Variants in SMAD3 observed in about 807,000 individuals in gnomAD.
SMAD3 encodes SMAD family member 3.
A neutral mutation model predicts 51.8 loss-of-function variants in SMAD3; 12 were observed. That is an observed-to-expected ratio of 0.23 (90% confidence interval 0.15 to 0.38). The LOEUF (loss-of-function observed/expected upper bound fraction) is 0.38. Ranked by LOEUF, SMAD3 falls within the 10% of genes least tolerant of loss-of-function variation. The pLI is 1.00. For synonymous variants in SMAD3, 238 were observed against 227.7 expected, an observed-to-expected ratio of 1.05 and a Z score of -0.41; for missense variants, 294 against 565.6, an observed-to-expected ratio of 0.52 and a Z score of 4.87.
chr15:67,105,542 A>G (rs141862099), intron 1 of SMAD3, among the ~76,000 whole-genome samples: 1 of 152,316 alleles, frequency 6.6e-6, no homozygotes, highest in Non-Finnish European at 1.5e-5. Context: ...TTGTGGCTCT[A>G]GCTGTGGGCA....
In SMAD3 at chr15:67,163,944, TAAAAA is replaced by T. The variant is rs57803788; in HGVS notation, c.207-930_207-926del. On this transcript the variant is annotated intron_variant, in intron 1 of 8. Transcript: ENST00000327367. ...ACAGAGCAACACCCTGTATCAAAAGTAAAAAAAAAAAAAAAAAAAAAAAAATCCCT... is the reference window on the plus strand; with the variant it reads ...ACAGAGCAACACCCTGTATCAAAAGTAAAAAAAAAAAAAAAAAAAATCCCT... Among the ~76,000 whole-genome samples, 9 of 87,892 alleles carry T rather than the reference TAAAAA, an allele frequency of 1.0e-4. No individual in the cohort carries two copies. The South Asian group carries it at 3.0e-3, about 30-fold the overall frequency. The allele number at this position is 87,892 out of a possible 152,430, so 57.7% of individuals were successfully genotyped here.
chr15:67,178,213 G>A (rs570420371), intron 5 of SMAD3, among the ~76,000 whole-genome samples: 1 of 152,290 alleles, frequency 6.6e-6, no homozygotes, highest in South Asian at 2.1e-4. Flanking sequence ...GAGGGTCCTT[G>A]AAGCCCACCC....
chr15:67,123,085 C>G (rs1176497649), intron 1 of SMAD3, among the ~76,000 whole-genome samples: 2 of 150,916 alleles, frequency 1.3e-5, no homozygotes, highest in African/African-American at 4.9e-5. Flanking sequence ...GTGGTCTCAG[C>G]TACTCGGGAG....
At chr15:67,082,090 G>A (rs1287409115) in intron 1 of SMAD3, among the ~76,000 whole-genome samples, 1 of 151,202 alleles carries the variant, frequency 6.6e-6, no homozygotes, top group African/African-American at 2.4e-5. Flanking sequence ...GCTGACTTCT[G>A]AGGACATGAT....
intron 1 of SMAD3, among the ~76,000 whole-genome samples, chr15:67,102,790 C>G (rs1401924208): frequency 1.3e-5 from 2 of 152,114 alleles, no homozygotes; most frequent in Non-Finnish European, 2.9e-5. Context: ...ATTTAAAGTT[C>G]TTTGGAAGTG....
Position 67,066,203 on chromosome 15 carries a change from G to C in SMAD3, c.49G>C (p.Gly17Arg), listed in dbSNP as rs183418982. ...TCCCCCGATCGTGAAGCGCCTGCTG[G>C]GCTGGAAGAAGGGCGAGCAGAACGG... ...FTPPIVKRLL[G>R]WKKGEQNGQE... Residue 17 changes from glycine to arginine, a missense_variant, in exon 1 of 9, where the codon GGC becomes CGC. Transcript: ENST00000327367. The C allele has an allele frequency of 6.2e-7, 1 of 1,612,696 alleles. No individual in the cohort carries two copies. Among genetic ancestry groups the C allele is most frequent in the East Asian group, 2.2e-5 (1 of 44,822 alleles).
intron 1 of SMAD3, among the ~76,000 whole-genome samples, chr15:67,073,493 G>A (rs1476568622): frequency 1.3e-5 from 2 of 152,164 alleles, no homozygotes; most frequent in African/African-American, 4.8e-5. Flanking sequence ...GATTATTTTG[G>A]AGGTAGGAGT....
At position 67,191,530 on chromosome 15, in the gene SMAD3, G is replaced by A. The variant is rs190014997; in HGVS notation, c.*994G>A. On this transcript the variant is annotated 3_prime_UTR_variant, in exon 9 of 9. Transcript: ENST00000327367. ...TTATCATATGCTCTTTTAAATGTTT[G>A]GTTTATATATTTTCTTTAAAAATCC... The A allele has an allele frequency of 8.6e-6, 2 of 233,194 alleles. No individual in the cohort carries two copies. Among genetic ancestry groups the A allele is most frequent in the Admixed American group, 5.6e-5 (1 of 17,778 alleles). The allele number at this position is 233,194 out of a possible 1,614,324, so 14.4% of individuals were successfully genotyped here.
Position 67,188,341 on chromosome 15 carries a change from T to C in SMAD3, c.1154+832T>C, listed in dbSNP as rs146230557. Among the ~76,000 whole-genome samples the C allele has an allele frequency of 3.1e-3, 475 of 152,112 alleles. 4 individuals are homozygous for C. The highest frequency in any genetic ancestry group is 0.011 in the African/African-American group (454 of 41,512). ...TTAGTAGAGAGGGGGTTTCACCATGTTGCCCAGGGTGGTCTCGAACTCCTG... is the reference window on the plus strand; with the variant it reads ...TTAGTAGAGAGGGGGTTTCACCATGCTGCCCAGGGTGGTCTCGAACTCCTG... On this transcript the variant is annotated intron_variant, in intron 8 of 8. Transcript: ENST00000327367.
intron 1 of SMAD3, among the ~76,000 whole-genome samples, chr15:67,078,537 AATCAGTATTCTTCATTCCTTTT>A (rs1294699879): frequency 6.6e-6 from 1 of 152,258 alleles, no homozygotes; most frequent in Admixed American, 6.5e-5. Flanking sequence ...AGCATGTTTA[AATCAGTATTCTTCATTCCTTTT>A]ATCATTGAGA....
Position 67,185,959 on chromosome 15 carries a change from G to A in SMAD3, c.1009+1095G>A, listed in dbSNP as rs182847176. ...GGAGAAGTGGTAGACCACAGGCAGG[G>A]GAAACTTTAGAATGCAGAAAGTCTG... On this transcript the variant is annotated intron_variant, in intron 7 of 8. Coordinates refer to ENST00000327367, the MANE Select transcript of SMAD3 (RefSeq NM_005902.4). Among the ~76,000 whole-genome samples the A allele has an allele frequency of 8.5e-4, 130 of 152,376 alleles. 1 individual carries two copies. Among genetic ancestry groups the A allele is most frequent in the Admixed American group, 4.1e-3 (63 of 15,310 alleles).
intron 5 of SMAD3, chr15:67,174,387 T>C (rs7175424): frequency 1 from 152,239 of 152,536 alleles, 75,973 homozygotes; most frequent in Middle Eastern, 1. Flanking sequence ...TGCGCTCGGG[T>C]GGTGGGGGTT....
chr15:67,071,998 G>C (rs980470700), intron 1 of SMAD3, among the ~76,000 whole-genome samples: 4 of 152,132 alleles, frequency 2.6e-5, no homozygotes, highest in African/African-American at 9.7e-5. Context: ...GTCTTTGCAA[G>C]GGTGAAGTTT....
chr15:67,104,687 CTA>C (rs1241951808), intron 1 of SMAD3, among the ~76,000 whole-genome samples: 2 of 152,280 alleles, frequency 1.3e-5, no homozygotes, highest in South Asian at 2.1e-4. Flanking sequence ...CACTGGATCA[CTA>C]TACTCCGTGT....
intron 1 of SMAD3, among the ~76,000 whole-genome samples, chr15:67,090,560 G>T (rs1193933831): frequency 1.3e-5 from 2 of 152,130 alleles, no homozygotes; most frequent in African/African-American, 4.8e-5. Context: ...TGGGGACGAT[G>T]GGGCAGGGTG....
chr15:67,104,512 A>G (rs1178161511), intron 1 of SMAD3, among the ~76,000 whole-genome samples: 1 of 152,268 alleles, frequency 6.6e-6, no homozygotes, highest in African/African-American at 2.4e-5. Context: ...AAAGGATTCC[A>G]GCCCCATAGG....
At chr15:67,177,821 C>G (rs138514632) in intron 5 of SMAD3, among the ~76,000 whole-genome samples, 156 of 152,012 alleles carry the variant, frequency 1.0e-3, no homozygotes, top group Admixed American at 1.8e-3. Flanking sequence ...TCCTCTTGCA[C>G]AAGTTCTGGG....
intron 1 of SMAD3, chr15:67,125,849 C>T (rs1234969302): frequency 5.1e-6 from 5 of 985,316 alleles, no homozygotes; most frequent in Admixed American, 6.2e-5. Flanking sequence ...AGCCGCGGCA[C>T]TGGGGTAATT....
chr15:67,156,989 G>C (rs1962299853), intron 1 of SMAD3, among the ~76,000 whole-genome samples: 1 of 152,216 alleles, frequency 6.6e-6, no homozygotes, highest in Non-Finnish European at 1.5e-5. Context: ...GAGTGGCAGA[G>C]CCACAGAGCA....
Sources: gnomAD v4.1 joint callset for allele counts (sites outside exome capture counted in the v4.1 genomes callset) on GRCh38, gnomAD v4.1.1 for gene constraint, MANE v1.5 for transcripts, NCBI Gene and HGNC (gene_info 2026-07-23, HGNC 2026-07-21) for gene names.